Variants in COL27A1 observed in about 807,000 individuals in gnomAD.
COL27A1 encodes collagen type XXVII alpha 1 chain.
A neutral mutation model predicts 251.3 loss-of-function variants in COL27A1; 106 were observed. The ratio of observed to expected loss-of-function variants is 0.42; its 90% CI spans 0.36 to 0.50. The LOEUF is 0.50. COL27A1 is among the 20% of genes least tolerant of loss of function. COL27A1 has a pLI of 0.00. For synonymous variants in COL27A1, 1,000 were observed against 986.3 expected (o/e 1.01, Z -0.26); for missense variants, 2,325 against 2,522.8 (o/e 0.92, Z 1.68).
chr9:114,304,514 A>G (rs775325379), intron 56 of COL27A1, 94 bp from the exon 57 acceptor site: 3 of 1,180,642 alleles, frequency 2.5e-6, no homozygotes, highest in Non-Finnish European at 3.8e-6. Flanking sequence ...CTTGGCCAAG[A>G]TCCTGCCAGG....
chr9:114,210,938 T>C (rs568019986), intron 11 of COL27A1, 44 bp from the exon 12 acceptor site: 1 of 1,610,236 alleles, frequency 6.2e-7, no homozygotes, highest in African/African-American at 1.3e-5. Flanking sequence ...TGGCTGTCCC[T>C]GCTGGCATCC....
At chr9:114,225,276 G>A (rs564621052) in intron 14 of COL27A1, among the ~76,000 whole-genome samples, 38 of 152,300 alleles carry the variant, frequency 2.5e-4, no homozygotes, top group African/African-American at 9.1e-4. Flanking sequence ...TTTTGCTTCT[G>A]AGCAGCCTGC....
Position 114,168,294 on chromosome 9 carries a change from G to A in COL27A1, c.739G>A (p.Gly247Arg), listed in dbSNP as rs144068722. 703 of 1,613,502 alleles carry A rather than the reference G, an allele frequency of 4.4e-4. 6 individuals carry two copies. The highest frequency in any genetic ancestry group is 4.0e-3 in the South Asian group (363 of 91,080). Residue 247 changes from glycine to arginine, a missense_variant, in exon 3 of 61, where the codon GGA becomes AGA. Physicochemically the swap from Gly to Arg is moderately radical, Grantham distance 125 (BLOSUM62 -2). This residue lies in a region of COL27A1 where 1,183 missense variants were observed against 1,144.1 expected (regional missense o/e 1.03). Coordinates refer to ENST00000356083, the MANE Select transcript of COL27A1 (RefSeq NM_032888.4). ...GGCTGACACGTACCAGTCCCCACTGGGACCTCTCTTCTCCCAAGACTCTGG... is the reference window on the plus strand; with the variant it reads ...GGCTGACACGTACCAGTCCCCACTGAGACCTCTCTTCTCCCAAGACTCTGG... ...GQADTYQSPL[G>R]PLFSQDSGRP...
Position 114,169,349 on chromosome 9 carries a change from G to A in COL27A1, c.1794G>A (p.Leu598=), listed in dbSNP as rs1294827331. 6.2e-7 allele frequency: 1 copy of A among 1,612,448 alleles called. No homozygotes were observed. Among genetic ancestry groups the A allele is most frequent in the South Asian group, 1.1e-5 (1 of 91,024 alleles). ...TGGTATTGGCCCCGGCGCAATTCCTGTCCTCCAGCCCCCGGCCCACGAGCA... is the reference window on the plus strand; with the variant it reads ...TGGTATTGGCCCCGGCGCAATTCCTATCCTCCAGCCCCCGGCCCACGAGCA... ...PALVLAPAQF[L]SSSPRPTSSG... Residue 598 remains leucine, a synonymous_variant, in exon 3 of 61, where the codon CTG becomes CTA. Coordinates refer to ENST00000356083, the MANE Select transcript of COL27A1 (RefSeq NM_032888.4).
intron 36 of COL27A1, chr9:114,270,995 C>CCAT (rs565512454): frequency 1.2e-4 from 64 of 533,796 alleles, no homozygotes; most frequent in African/African-American, 1.1e-3. Flanking sequence ...GGGACCAGGG[C>CCAT]CATCACCACC....
chr9:114,165,025 G>T (rs1848730393), intron 2 of COL27A1, among the ~76,000 whole-genome samples: 2 of 152,144 alleles, frequency 1.3e-5, no homozygotes, highest in Non-Finnish European at 2.9e-5. Flanking sequence ...GAGGCCCAAG[G>T]GTCAGTAAGA....
intron 49 of COL27A1, among the ~76,000 whole-genome samples, chr9:114,293,571 C>G (rs1323668310): frequency 6.9e-6 from 1 of 144,394 alleles, no homozygotes; most frequent in Admixed American, 6.8e-5. Flanking sequence ...AAAGGAAAAT[C>G]AAAAGTTAGC....
intron 14 of COL27A1, among the ~76,000 whole-genome samples, chr9:114,229,106 G>A (rs113445963): frequency 0.076 from 11,513 of 152,256 alleles, 1,101 homozygotes; most frequent in African/African-American, 0.22. Flanking sequence ...TTATAGGCAT[G>A]AGCCATGGCG....
chr9:114,217,220 CT>C (rs757962430), intron 12 of COL27A1, among the ~76,000 whole-genome samples: 17 of 152,364 alleles, frequency 1.1e-4, no homozygotes, highest in Middle Eastern at 3.4e-3. Context: ...ACTCAAAATT[CT>C]GATGACCGTC....
chr9:114,173,676 C>T (rs79613219), intron 3 of COL27A1, among the ~76,000 whole-genome samples: 1,662 of 150,410 alleles, frequency 0.011, 41 homozygotes, highest in African/African-American at 0.037. Context: ...TTTCCAGGGT[C>T]GTTACATGGA....
chr9:114,219,978 T>C (rs542864607), intron 13 of COL27A1, 134 bp downstream of exon 13: 1 of 701,162 alleles, frequency 1.4e-6, no homozygotes, highest in South Asian at 1.6e-5. Flanking sequence ...TGGGCACCCT[T>C]GGACAAATTA....
At chr9:114,215,295 C>T (rs535946758) in intron 12 of COL27A1, among the ~76,000 whole-genome samples, 1 of 152,328 alleles carries the variant, frequency 6.6e-6, no homozygotes, top group African/African-American at 2.4e-5. Flanking sequence ...CAGCAAGCAG[C>T]CAAGTAACAG....
chr9:114,170,806 A>G (rs1384493360), intron 3 of COL27A1, among the ~76,000 whole-genome samples: 1 of 152,246 alleles, frequency 6.6e-6, no homozygotes, highest in African/African-American at 2.4e-5. Flanking sequence ...CTCTCCAGCC[A>G]ACCCAGGCCA....
chr9:114,190,394 C>G (rs975838498), intron 5 of COL27A1, among the ~76,000 whole-genome samples: 6 of 152,156 alleles, frequency 3.9e-5, no homozygotes, highest in Non-Finnish European at 8.8e-5. Context: ...ACCCAGCCTC[C>G]CAAGTAGCTG....
chr9:114,230,197 G>GA (rs1831840934), intron 14 of COL27A1, among the ~76,000 whole-genome samples: 2 of 152,144 alleles, frequency 1.3e-5, no homozygotes, highest in Admixed American at 1.3e-4. Flanking sequence ...GACAGGGAAT[G>GA]AAAAATCACA....
intron 5 of COL27A1, among the ~76,000 whole-genome samples, chr9:114,193,945 G>T (rs966964942): frequency 2.0e-5 from 3 of 152,126 alleles, no homozygotes; most frequent in Admixed American, 6.5e-5. Context: ...TTCCAGCTGT[G>T]AACTGAAGAA....
rs1440692885 is a variant in COL27A1 at position 114,306,444 on chromosome 9, TG to T, written c.4939-71del. 2.0e-6 allele frequency: 3 copies of T among 1,466,384 alleles called. No homozygotes were observed. The African/African-American group carries it at 4.2e-5, about 21-fold the overall frequency. The allele number at this position is 1,466,384 out of a possible 1,614,324, so 90.8% of individuals were successfully genotyped here. A position where few individuals can be genotyped will look rare whatever the true frequency, so the allele number is the denominator to read the frequency against. On this transcript the variant is annotated intron_variant, in intron 57 of 60. Coordinates refer to ENST00000356083, the MANE Select transcript of COL27A1 (RefSeq NM_032888.4). ...GAGATACCTCCCAGGTTGTGAGAAC[TG>T]GGGGCTGTGGAGGCTTGAACCCCAG...
At chr9:114,253,308 A>G (rs201599148) in intron 27 of COL27A1, among the ~76,000 whole-genome samples, 1 of 151,090 alleles carries the variant, frequency 6.6e-6, no homozygotes. Flanking sequence ...AGAAAGAAAG[A>G]AAGAAAGAAA....
intron 57 of COL27A1, 67 bp from the exon 58 acceptor site, chr9:114,306,453 T>C: frequency 6.5e-7 from 1 of 1,530,634 alleles, no homozygotes; most frequent in Non-Finnish European, 8.9e-7. Context: ...CTGGGGGCTG[T>C]GGAGGCTTGA....
Sources: allele counts gnomAD v4.1 joint callset (sites outside exome capture counted in the v4.1 genomes callset), GRCh38; gene constraint gnomAD v4.1.1; regional missense constraint gnomAD v4.1.1; transcripts MANE v1.5; gene names NCBI Gene and HGNC (gene_info 2026-07-23, HGNC 2026-07-21).